Variants in UBR3 observed in about 807,000 individuals in gnomAD.
UBR3 encodes the protein ubiquitin protein ligase E3 component n-recognin 3.
Under a neutral mutation model 243.2 loss-of-function variants are expected in UBR3, and 85 were observed. The ratio of observed to expected loss-of-function variants is 0.35; its 90% CI spans 0.29 to 0.42. The LOEUF (loss-of-function observed/expected upper bound fraction) is 0.42. Ranked by LOEUF, UBR3 falls within the 10% of genes least tolerant of loss-of-function variation. The pLI is 1.00. For synonymous variants in UBR3, 748 were observed against 799.8 expected (o/e 0.94, Z 1.09); for missense variants, 1,686 against 2,300.8 (o/e 0.73, Z 5.47).
rs1413451499 is a variant in UBR3 at position 169,919,413 on chromosome 2, A to C, written c.1867-4516A>C. 1.7e-4 allele frequency among the ~76,000 whole-genome samples: 26 copies of C among 152,240 alleles called. 1 individual carries two copies. Among genetic ancestry groups the C allele is most frequent in the Admixed American group, 1.6e-3 (24 of 15,290 alleles). On this transcript the variant is annotated intron_variant, in intron 11 of 38. Transcript: ENST00000272793. The stretch of plus-strand genomic sequence containing the variant: ...CCTGAGTTAAAGAAGCAGTAATTTC[A>C]TGTCTAAAACACCAAAAGCAATGGC...
chr2:169,890,158 A>G (rs1442513059), intron 5 of UBR3, among the ~76,000 whole-genome samples: 1 of 152,190 alleles, frequency 6.6e-6, no homozygotes, highest in Non-Finnish European at 1.5e-5. Flanking sequence ...CAAAGACAGC[A>G]GGAACCTTTT....
chr2:169,856,339 A>C (rs1466243447), intron 1 of UBR3, among the ~76,000 whole-genome samples: 2 of 143,760 alleles, frequency 1.4e-5, no homozygotes, highest in Non-Finnish European at 3.0e-5. Context: ...GGCACTCCTC[A>C]CTTCCCAGAC....
At chr2:170,010,046 A>C (rs1489110366) in intron 29 of UBR3, among the ~76,000 whole-genome samples, 2 of 152,172 alleles carry the variant, frequency 1.3e-5, no homozygotes, top group Non-Finnish European at 2.9e-5. Context: ...TGAGAATGCA[A>C]ATACTGGACA....
intron 32 of UBR3, among the ~76,000 whole-genome samples, chr2:170,049,106 A>C (rs572040221): frequency 6.6e-6 from 1 of 152,270 alleles, no homozygotes; most frequent in East Asian, 1.9e-4. Flanking sequence ...AGTTGAATCC[A>C]CTGCACATAT....
chr2:169,952,034 G>C (rs183105869), intron 23 of UBR3, among the ~76,000 whole-genome samples: 1 of 152,202 alleles, frequency 6.6e-6, no homozygotes, highest in African/African-American at 2.4e-5. Flanking sequence ...TGTCCAGTCA[G>C]ATATAGGGTT....
At chr2:169,885,202 T>G (rs1263854058) in intron 5 of UBR3, among the ~76,000 whole-genome samples, 2 of 152,200 alleles carry the variant, frequency 1.3e-5, no homozygotes, top group East Asian at 3.8e-4. Flanking sequence ...ATTGTTGTAA[T>G]TTAAGATATC....
intron 30 of UBR3, among the ~76,000 whole-genome samples, chr2:170,018,416 G>A (rs966216858): frequency 2.0e-5 from 3 of 152,120 alleles, no homozygotes; most frequent in African/African-American, 4.8e-5. Flanking sequence ...CATAGCTGCC[G>A]ATTCCTGGGT....
At chr2:169,868,666 A>G (rs896913507) in intron 1 of UBR3, among the ~76,000 whole-genome samples, 1 of 152,250 alleles carries the variant, frequency 6.6e-6, no homozygotes, top group African/African-American at 2.4e-5. Context: ...TCACACCCAC[A>G]TAAAATAATT....
At chr2:169,984,148 A>G (rs1354626058) in intron 24 of UBR3, among the ~76,000 whole-genome samples, 1 of 152,254 alleles carries the variant, frequency 6.6e-6, no homozygotes, top group African/African-American at 2.4e-5. Flanking sequence ...AGTGTGGAAA[A>G]TATGTGCAGA....
In UBR3 at chr2:169,836,021, C is replaced by T. The variant is rs1160786699; in HGVS notation, c.545+7969C>T. 5.9e-4 allele frequency among the ~76,000 whole-genome samples: 17 copies of T among 28,600 alleles called. 1 individual carries two copies. Among genetic ancestry groups the T allele is most frequent in the African/African-American group, 2.0e-3 (17 of 8,440 alleles). The allele number at this position is 28,600 out of a possible 152,430, so 18.8% of individuals were successfully genotyped here. On this transcript the variant is annotated intron_variant, in intron 1 of 38. Transcript: ENST00000272793. ...TCTCTCTCTCTCTCTCTCTCTCTCT[C>T]TCTCTCTCTCTCTCTCTCTCTCTAT...
At chr2:169,907,041 T>C (rs112869830) in intron 10 of UBR3, among the ~76,000 whole-genome samples, 9,501 of 146,980 alleles carry the variant, frequency 0.065, 310 homozygotes, top group Non-Finnish European at 0.084. Flanking sequence ...TCTTTCTTTT[T>C]TTTTTTTTTT....
chr2:169,947,920 A>G (rs979707233), intron 22 of UBR3: 1 of 985,272 alleles, frequency 1.0e-6, no homozygotes, highest in Non-Finnish European at 1.2e-6. Context: ...ACGACGGCCT[A>G]AAGTTCTTCA....
chr2:170,068,153 A>G (rs2091618296), intron 35 of UBR3, among the ~76,000 whole-genome samples: 1 of 152,056 alleles, frequency 6.6e-6, no homozygotes, highest in Non-Finnish European at 1.5e-5. Context: ...TTAGAGGCGT[A>G]TTTATCACTT....
At chr2:169,963,851 G>A (rs1190673516) in intron 24 of UBR3, among the ~76,000 whole-genome samples, 1 of 151,974 alleles carries the variant, frequency 6.6e-6, no homozygotes, top group Admixed American at 6.6e-5. Flanking sequence ...ATAGTGTTGT[G>A]AACACCCATA....
intron 20 of UBR3, among the ~76,000 whole-genome samples, chr2:169,945,753 A>G (rs1559120838): frequency 6.6e-6 from 1 of 152,156 alleles, no homozygotes; most frequent in Non-Finnish European, 1.5e-5. Context: ...TAAGGCTTGT[A>G]TTGAGTAATC....
intron 32 of UBR3, among the ~76,000 whole-genome samples, chr2:170,046,543 G>T (rs2091092601): frequency 6.6e-6 from 1 of 152,100 alleles, no homozygotes. Flanking sequence ...GATGGAATCA[G>T]TTTCTTATTT....
At chr2:169,914,014 T>C in intron 10 of UBR3, 46 bp from the exon 11 acceptor site, 1 of 879,528 alleles carries the variant, frequency 1.1e-6, no homozygotes, top group South Asian at 3.4e-5. Flanking sequence ...GTTGAAAATA[T>C]ATGTTTATAT....
At chr2:169,851,507 T>G (rs1037387825) in intron 1 of UBR3, among the ~76,000 whole-genome samples, 1 of 152,226 alleles carries the variant, frequency 6.6e-6, no homozygotes, top group Admixed American at 6.5e-5. Flanking sequence ...CCAACAGTGT[T>G]TGAGGTAGAT....
intron 32 of UBR3, among the ~76,000 whole-genome samples, chr2:170,047,666 A>G (rs1331185027): frequency 2.6e-5 from 4 of 152,170 alleles, no homozygotes; most frequent in Non-Finnish European, 2.9e-5. Flanking sequence ...CCATGGTTGC[A>G]CTTTCTGTGG....
Sources: gnomAD v4.1 joint callset for allele counts (sites outside exome capture counted in the v4.1 genomes callset) on GRCh38, gnomAD v4.1.1 for gene constraint, MANE v1.5 for transcripts, NCBI Gene and HGNC (gene_info 2026-07-23, HGNC 2026-07-21) for gene names.